Variants in CLOCK observed in about 807,000 individuals in gnomAD.
The protein encoded by CLOCK is clock circadian regulator.
In CLOCK, 43 loss-of-function variants were observed where a neutral mutation model predicts 118.4. That is an observed-to-expected ratio of 0.36 (90% CI 0.28 to 0.47). The LOEUF (loss-of-function observed/expected upper bound fraction) is 0.47, where lower values mean the gene tolerates loss of function less well. CLOCK is among the 20% of genes least tolerant of loss of function. The probability of loss-of-function intolerance (pLI) is 1.00; values close to 1 mark genes in which losing one functional copy is unlikely to be tolerated. For synonymous variants in CLOCK, 326 were observed against 339.2 expected, an observed-to-expected ratio of 0.96 and a Z score of 0.43; for missense variants, 846 against 999.9, an observed-to-expected ratio of 0.85 and a Z score of 2.08.
chr4:55,429,510 A>G lies in CLOCK; in HGVS notation c.*5905T>C, dbSNP rs1722377471. On this transcript the variant is annotated 3_prime_UTR_variant, in exon 23 of 23. Coordinates refer to ENST00000513440, the MANE Select transcript of CLOCK (RefSeq NM_004898.4). ...TTTTCAAAGGACCAAGTAACTTGAC[A>G]CCATATTAAAGACAGCAAACATTTT... 6.6e-6 allele frequency: 1 copy of G among 152,034 alleles called. No individual in the cohort carries two copies. The highest frequency in any genetic ancestry group is 1.5e-5 in the Non-Finnish European group (1 of 68,038). 9.4% of individuals were successfully genotyped at this position (152,034 alleles called of 1,614,324 possible). A position where few individuals can be genotyped will look rare whatever the true frequency, so the allele number is the denominator to read the frequency against.
chr4:55,535,113 G>T (rs573656081), intron 1 of CLOCK, among the ~76,000 whole-genome samples: 2 of 151,116 alleles, frequency 1.3e-5, no homozygotes, highest in African/African-American at 4.9e-5. Context: ...CTATTTTTTT[G>T]GAGAGCCAAA....
At chr4:55,485,049 C>T (rs1326582969) in intron 3 of CLOCK, among the ~76,000 whole-genome samples, 2 of 152,026 alleles carry the variant, frequency 1.3e-5, no homozygotes, top group Admixed American at 6.6e-5. Flanking sequence ...TTGCAACCTC[C>T]GCCTCCCAGG....
At chr4:55,502,449 T>C (rs1728503285) in intron 2 of CLOCK, among the ~76,000 whole-genome samples, 1 of 152,072 alleles carries the variant, frequency 6.6e-6, no homozygotes, top group African/African-American at 2.4e-5. Flanking sequence ...TGCATTACGG[T>C]AGGGAAAGGA....
intron 1 of CLOCK, among the ~76,000 whole-genome samples, chr4:55,529,713 T>C (rs1050512688): frequency 5.3e-5 from 8 of 152,240 alleles, no homozygotes; most frequent in African/African-American, 1.4e-4. Flanking sequence ...TTTTGTAGAC[T>C]AGAAACTGAG....
At chr4:55,440,791 G>C (rs977331471) in intron 21 of CLOCK, among the ~76,000 whole-genome samples, 2 of 152,088 alleles carry the variant, frequency 1.3e-5, no homozygotes, top group African/African-American at 4.8e-5. Flanking sequence ...CACTTCTGCA[G>C]CTTTGTATAC....
At chr4:55,473,802 T>C (rs2109868727) in intron 7 of CLOCK, among the ~76,000 whole-genome samples, 1 of 152,264 alleles carries the variant, frequency 6.6e-6, no homozygotes, top group Admixed American at 6.5e-5. Flanking sequence ...TCAAACTTTT[T>C]CCATTATTAT....
At chr4:55,469,160 T>C (rs1218370168) in intron 8 of CLOCK, among the ~76,000 whole-genome samples, 1 of 152,026 alleles carries the variant, frequency 6.6e-6, no homozygotes, top group African/African-American at 2.4e-5. Context: ...AGTTTCGCTC[T>C]TGTTGCCCAG....
At chr4:55,511,727 T>C (rs1263630286) in intron 1 of CLOCK, among the ~76,000 whole-genome samples, 14 of 152,168 alleles carry the variant, frequency 9.2e-5, no homozygotes, top group Admixed American at 9.2e-4. Context: ...CCGAATAGTT[T>C]CATCGGCCTA....
intron 1 of CLOCK, among the ~76,000 whole-genome samples, chr4:55,525,071 G>C (rs903329185): frequency 6.6e-6 from 1 of 152,102 alleles, no homozygotes; most frequent in African/African-American, 2.4e-5. Context: ...TGAATGAAAT[G>C]AAACAAATCT....
intron 1 of CLOCK, among the ~76,000 whole-genome samples, chr4:55,514,764 A>G (rs985190620): frequency 2.0e-5 from 3 of 152,146 alleles, no homozygotes; most frequent in Non-Finnish European, 2.9e-5. Context: ...CATTTTATAA[A>G]TGTTGAATTT....
intron 1 of CLOCK, among the ~76,000 whole-genome samples, chr4:55,511,906 T>G (rs1004308157): frequency 2.6e-5 from 4 of 152,010 alleles, no homozygotes; most frequent in African/African-American, 7.2e-5. Flanking sequence ...TAAATACACA[T>G]TTAAGATTTC....
At chr4:55,449,262 G>T in intron 17 of CLOCK, 134 bp downstream of exon 17, 2 of 764,656 alleles carry the variant, frequency 2.6e-6, no homozygotes, top group South Asian at 3.2e-5. Flanking sequence ...GAAGTCTTAA[G>T]TAAGTGTCAC....
At chr4:55,494,927 C>T (rs1727956727) in intron 2 of CLOCK, among the ~76,000 whole-genome samples, 2 of 152,130 alleles carry the variant, frequency 1.3e-5, no homozygotes, top group African/African-American at 4.8e-5. Context: ...AACTGTAAAA[C>T]AATAAATTTG....
intron 18 of CLOCK, among the ~76,000 whole-genome samples, chr4:55,446,754 G>C (rs111394450): frequency 1.4e-4 from 22 of 152,198 alleles, no homozygotes; most frequent in Admixed American, 4.6e-4. Context: ...TTATTCCCAT[G>C]AATTTTCAGT....
intron 1 of CLOCK, among the ~76,000 whole-genome samples, chr4:55,515,978 AC>A (rs778766534): frequency 5.3e-5 from 8 of 152,194 alleles, no homozygotes; most frequent in Non-Finnish European, 1.2e-4. Flanking sequence ...AGAATCTTTG[AC>A]CCATGTGTTG....
At chr4:55,500,535 G>A (rs2109987028) in intron 2 of CLOCK, among the ~76,000 whole-genome samples, 1 of 152,098 alleles carries the variant, frequency 6.6e-6, no homozygotes, top group South Asian at 2.1e-4. Flanking sequence ...ATTTTTTGCA[G>A]AGACAAGATC....
chr4:55,467,656 A>G (rs1276907374), intron 8 of CLOCK, among the ~76,000 whole-genome samples: 1 of 152,218 alleles, frequency 6.6e-6, no homozygotes, highest in Non-Finnish European at 1.5e-5. Context: ...TTACTTAGAC[A>G]TTATCTTAAT....
rs75386698 is a variant in CLOCK at position 55,439,744 on chromosome 4, T to C, written c.2106-1207A>G. On this transcript the variant is annotated intron_variant, in intron 21 of 22. Coordinates refer to ENST00000513440, the MANE Select transcript of CLOCK (RefSeq NM_004898.4). ...CCTGAGAACATTATCCTAAGTAAAATAAGCCATTCACAAAAGGACAAATAC... is the reference window on the plus strand; with the variant it reads ...CCTGAGAACATTATCCTAAGTAAAACAAGCCATTCACAAAAGGACAAATAC... Among the ~76,000 whole-genome samples, 416 of 152,242 alleles carry C rather than the reference T, an allele frequency of 2.7e-3. 2 individuals carry two copies. The highest frequency in any genetic ancestry group is 9.9e-3 in the African/African-American group (411 of 41,550).
chr4:55,517,657 A>G (rs1729601110), intron 1 of CLOCK, among the ~76,000 whole-genome samples: 1 of 152,164 alleles, frequency 6.6e-6, no homozygotes, highest in Non-Finnish European at 1.5e-5. Context: ...ATAATACTTG[A>G]AATGTTCCCT....
Sources: gnomAD v4.1 joint callset for allele counts (sites outside exome capture counted in the v4.1 genomes callset) on GRCh38, gnomAD v4.1.1 for gene constraint, MANE v1.5 for transcripts, NCBI Gene and HGNC (gene_info 2026-07-23, HGNC 2026-07-21) for gene names.